ANK3: variants seen among roughly 807,000 people sequenced by gnomAD.
ANK3 encodes ankyrin-3.
ANK3 carries 57 observed loss-of-function variants against 370.9 expected under a neutral mutation model. The ratio of observed to expected loss-of-function variants is 0.15; its 90% CI spans 0.12 to 0.19. The LOEUF is 0.19. Among genes scored for constraint, ANK3 ranks in the 10% least tolerant of loss-of-function variants. ANK3 has a pLI of 1.00. For synonymous variants in ANK3, 1,929 were observed against 1,946.3 expected (o/e 0.99, Z 0.23); for missense variants, 4,439 against 5,302.1 (o/e 0.84, Z 5.06).
chr10:60,601,335 G>T (rs534969237), intron 2 of ANK3, among the ~76,000 whole-genome samples: 1 of 151,748 alleles, frequency 6.6e-6, no homozygotes, highest in Non-Finnish European at 1.5e-5. Flanking sequence ...AAGTTATAAC[G>T]CAAAACATGG....
intron 1 of ANK3, among the ~76,000 whole-genome samples, chr10:60,382,855 A>G (rs1048273947): frequency 6.8e-6 from 1 of 146,416 alleles, no homozygotes; most frequent in Admixed American, 6.9e-5. Flanking sequence ...TTTTCAGTAA[A>G]TGGATTCTAT....
intron 1 of ANK3, among the ~76,000 whole-genome samples, chr10:60,690,461 A>G (rs945905116): frequency 6.6e-6 from 1 of 152,230 alleles, no homozygotes; most frequent in Non-Finnish European, 1.5e-5. Flanking sequence ...ACTGTTACAG[A>G]AAATAGTATA....
intron 1 of ANK3, among the ~76,000 whole-genome samples, chr10:60,327,291 G>A (rs1174535186): frequency 1.3e-5 from 2 of 152,194 alleles, no homozygotes; most frequent in South Asian, 2.1e-4. Context: ...GAGATTGACT[G>A]TCCTCTCTCT....
chr10:60,132,322 TG>T (rs1376794837), intron 25 of ANK3, among the ~76,000 whole-genome samples: 3 of 152,110 alleles, frequency 2.0e-5, no homozygotes, highest in Admixed American at 6.6e-5. Flanking sequence ...TCACCTGTTG[TG>T]GGAGGGACCT....
chr10:60,348,499 T>C (rs1390510129), intron 1 of ANK3, among the ~76,000 whole-genome samples: 1 of 152,164 alleles, frequency 6.6e-6, no homozygotes, highest in South Asian at 2.1e-4. Context: ...GGGTTTGAAC[T>C]TCAGCTCTGA....
chr10:60,388,793 A>G (rs760282053), intron 1 of ANK3, among the ~76,000 whole-genome samples: 1 of 152,214 alleles, frequency 6.6e-6, no homozygotes, highest in Non-Finnish European at 1.5e-5. Context: ...GCAGGGAAAA[A>G]CAAACCTCTG....
chr10:60,354,213 T>C (rs2057379853), intron 1 of ANK3, among the ~76,000 whole-genome samples: 2 of 152,190 alleles, frequency 1.3e-5, no homozygotes, highest in Admixed American at 1.3e-4. Flanking sequence ...ATGGCACATC[T>C]GCCACAAGAA....
intron 2 of ANK3, among the ~76,000 whole-genome samples, chr10:60,570,454 T>G (rs1353716200): frequency 6.6e-6 from 1 of 152,158 alleles, no homozygotes; most frequent in African/African-American, 2.4e-5. Flanking sequence ...CCCAGTGGGC[T>G]GGCACAGAAA....
chr10:60,268,286 T>C (rs1316156630), intron 5 of ANK3, among the ~76,000 whole-genome samples: 1 of 152,134 alleles, frequency 6.6e-6, no homozygotes, highest in Non-Finnish European at 1.5e-5. Context: ...CTGATGGGTA[T>C]AAAATAAAAA....
intron 43 of ANK3, among the ~76,000 whole-genome samples, chr10:60,030,359 G>A (rs2073167509): frequency 6.6e-6 from 1 of 151,984 alleles, no homozygotes; most frequent in Admixed American, 6.6e-5. Flanking sequence ...AGTCAGGATG[G>A]TCTCGATCTC....
At chr10:60,309,969 A>T (rs1231739378) in intron 1 of ANK3, among the ~76,000 whole-genome samples, 1 of 140,404 alleles carries the variant, frequency 7.1e-6, no homozygotes, top group Non-Finnish European at 1.5e-5. Context: ...TCTGTTGCCC[A>T]GGCTAGAGTG....
At chr10:60,178,753 C>T (rs184169951) in intron 18 of ANK3, among the ~76,000 whole-genome samples, 4 of 152,262 alleles carry the variant, frequency 2.6e-5, no homozygotes, top group Non-Finnish European at 5.9e-5. Flanking sequence ...TAATTAGTGT[C>T]CTCTAAGAAT....
At chr10:60,224,147 C>A (rs559012552) in intron 8 of ANK3, among the ~76,000 whole-genome samples, 51 of 152,140 alleles carry the variant, frequency 3.4e-4, no homozygotes, top group African/African-American at 1.2e-3. Flanking sequence ...AGAAAGGCAA[C>A]ATATGCAGTT....
intron 2 of ANK3, among the ~76,000 whole-genome samples, chr10:60,538,831 A>ATAAATGGTATGTTT (rs2133212062): frequency 6.6e-6 from 1 of 152,076 alleles, no homozygotes; most frequent in South Asian, 2.1e-4. Flanking sequence ...ACTTTCTAAA[A>ATAAATGGTATGTTT]ATAAATGGTA....
At position 60,070,774 on chromosome 10, in the gene ANK3, A is replaced by T; in HGVS notation, c.10107T>A (p.Asn3369Lys). The T allele has an allele frequency of 1.2e-6, 2 of 1,614,196 alleles. No homozygotes were observed. Among genetic ancestry groups the T allele is most frequent in the African/African-American group, 1.3e-5 (1 of 75,062 alleles). The change falls in exon 37 of 44, where the codon AAT becomes AAA. Residue 3369 changes from asparagine to lysine, a missense_variant. By Grantham distance (94) the Asn-to-Lys change is moderately conservative (BLOSUM62 0). Transcript: ENST00000280772. This position sits in a 1 kb window ranked among gnomAD's most constrained non-coding sequence, Gnocchi z 5.7. ...ELESNGSGKDNEFGLGLDSPQ... is the reference protein window; with the variant it reads ...ELESNGSGKDKEFGLGLDSPQ... ...GTGAATCAAGGCCAAGGCCAAATTC[A>T]TTATCTTTTCCAGATCCATTACTTT...
intron 2 of ANK3, among the ~76,000 whole-genome samples, chr10:60,611,061 T>C (rs1307987508): frequency 6.6e-6 from 1 of 152,232 alleles, no homozygotes; most frequent in Non-Finnish European, 1.5e-5. Context: ...GAGTAAATTA[T>C]ATACTTTTAT....
intron 1 of ANK3, among the ~76,000 whole-genome samples, chr10:60,299,971 A>C (rs1483921124): frequency 6.6e-6 from 1 of 152,216 alleles, no homozygotes; most frequent in Non-Finnish European, 1.5e-5. Flanking sequence ...TCTTGAAAAA[A>C]GTGCAACCAT....
chr10:60,300,651 A>T (rs2043495688), intron 1 of ANK3: 1 of 700,080 alleles, frequency 1.4e-6, no homozygotes, highest in African/African-American at 1.9e-5. Flanking sequence ...CGAGAATAGC[A>T]GGGCAATCAG....
intron 2 of ANK3, among the ~76,000 whole-genome samples, chr10:60,417,544 T>C (rs994318675): frequency 6.6e-6 from 1 of 152,154 alleles, no homozygotes; most frequent in Non-Finnish European, 1.5e-5. Context: ...TTGCAGCTGG[T>C]TGCAATTGAA....
Sources: gnomAD v4.1 joint callset for allele counts (sites outside exome capture counted in the v4.1 genomes callset) on GRCh38, gnomAD v4.1.1 for gene constraint, Gnocchi (gnomAD v3.1) non-coding constraint, MANE v1.5 for transcripts, NCBI Gene and HGNC (gene_info 2026-07-23, HGNC 2026-07-21) for gene names.